TPRG1: variants seen among roughly 807,000 people sequenced by gnomAD.
TPRG1 encodes tumor protein p63-regulated gene 1 protein.
A neutral mutation model predicts 29.3 loss-of-function variants in TPRG1; 29 were observed. That is an observed-to-expected ratio of 0.99 (90% CI 0.74 to 1.35). The LOEUF (loss-of-function observed/expected upper bound fraction) is 1.35. Among genes scored for constraint, TPRG1 ranks in the 40% most tolerant of loss-of-function variants. TPRG1 has a pLI of 0.00. For synonymous variants in TPRG1, 130 were observed against 116.8 expected, an observed-to-expected ratio of 1.11 and a Z score of -0.73; for missense variants, 327 against 335.0, an observed-to-expected ratio of 0.98 and a Z score of 0.19.
chr3:189,032,042 C>T (rs1241705273), intron 4 of TPRG1, among the ~76,000 whole-genome samples: 1 of 152,150 alleles, frequency 6.6e-6, no homozygotes, highest in South Asian at 2.1e-4. Flanking sequence ...AATATATCCA[C>T]ATCCTAATGT....
intron 4 of TPRG1, among the ~76,000 whole-genome samples, chr3:189,256,650 G>T (rs1236299935): frequency 6.6e-6 from 1 of 152,158 alleles, no homozygotes; most frequent in Non-Finnish European, 1.5e-5. Flanking sequence ...AAGTCTCTCT[G>T]TAGGTCTCTA....
chr3:189,066,713 T>C (rs1015530918), intron 4 of TPRG1, among the ~76,000 whole-genome samples: 1 of 151,826 alleles, frequency 6.6e-6, no homozygotes, highest in Non-Finnish European at 1.5e-5. Context: ...CAGCTAGTAT[T>C]ATACTAAATG....
intron 1 of TPRG1, among the ~76,000 whole-genome samples, chr3:189,116,418 C>G (rs1721180475): frequency 6.6e-6 from 1 of 152,106 alleles, no homozygotes; most frequent in African/African-American, 2.4e-5. Context: ...ACCTCGTGAT[C>G]CACCCACCTT....
chr3:189,204,707 G>A (rs1734041035), intron 1 of TPRG1, among the ~76,000 whole-genome samples: 1 of 152,140 alleles, frequency 6.6e-6, no homozygotes, highest in Non-Finnish European at 1.5e-5. Flanking sequence ...GATGTCTGTT[G>A]TTAGGCGTGT....
chr3:189,147,758 T>C (rs1725446614), intron 4 of TPRG1: 2 of 152,130 alleles, frequency 1.3e-5, no homozygotes, highest in African/African-American at 2.4e-5. Flanking sequence ...CCAGGGGAGA[T>C]AGTGATTTTA....
intron 3 of TPRG1, among the ~76,000 whole-genome samples, chr3:189,238,426 T>A (rs1739896204): frequency 6.6e-6 from 1 of 152,198 alleles, no homozygotes; most frequent in African/African-American, 2.4e-5. Context: ...TGTTGGGAAG[T>A]ATGAGTCAGT....
At chr3:189,110,677 T>C (rs1720403270) in intron 1 of TPRG1, among the ~76,000 whole-genome samples, 1 of 152,050 alleles carries the variant, frequency 6.6e-6, no homozygotes, top group Admixed American at 6.5e-5. Context: ...GTTTTCTAGT[T>C]TTTACACAAA....
chr3:189,274,108 G>T (rs1158083418), intron 4 of TPRG1, among the ~76,000 whole-genome samples: 2 of 138,004 alleles, frequency 1.4e-5, no homozygotes, highest in East Asian at 2.0e-4. Flanking sequence ...TCGGAACCCA[G>T]ATTTTTTTTT....
chr3:189,231,625 T>C (rs777625892), intron 3 of TPRG1, among the ~76,000 whole-genome samples: 1 of 152,200 alleles, frequency 6.6e-6, no homozygotes, highest in Non-Finnish European at 1.5e-5. Flanking sequence ...ATCTTCATGC[T>C]GGAGACGTGA....
intron 4 of TPRG1, among the ~76,000 whole-genome samples, chr3:189,284,996 A>C (rs1378152876): frequency 6.6e-6 from 1 of 152,228 alleles, no homozygotes; most frequent in Non-Finnish European, 1.5e-5. Context: ...ATCTGAGTGA[A>C]CAGGCAACCT....
At chr3:189,135,892 T>G (rs755065286) in intron 3 of TPRG1, among the ~76,000 whole-genome samples, 5 of 152,164 alleles carry the variant, frequency 3.3e-5, no homozygotes, top group Non-Finnish European at 7.3e-5. Flanking sequence ...CTACGCATAT[T>G]TCACAGTCCA....
At chr3:189,230,737 A>G (rs960668868) in intron 3 of TPRG1, among the ~76,000 whole-genome samples, 1 of 152,122 alleles carries the variant, frequency 6.6e-6, no homozygotes, top group Non-Finnish European at 1.5e-5. Flanking sequence ...CCATTATACC[A>G]CTAGTGCCTG....
At chr3:189,171,831 A>C (rs1178717322), upstream of TPRG1, 1 of 152,196 alleles carries the variant, frequency 6.6e-6, no homozygotes, top group Non-Finnish European at 1.5e-5. Flanking sequence ...AGAGGACAGG[A>C]GGTAAAGGTG....
intron 4 of TPRG1, among the ~76,000 whole-genome samples, chr3:189,044,979 T>C (rs1714881136): frequency 6.6e-6 from 1 of 152,238 alleles, no homozygotes. Context: ...GAAAATGAAC[T>C]CTTTCAGCCA....
chr3:189,171,246 C>G (rs530519982), upstream of TPRG1, among the ~76,000 whole-genome samples: 6 of 152,310 alleles, frequency 3.9e-5, no homozygotes, highest in South Asian at 1.0e-3. Flanking sequence ...AGAAATGATA[C>G]TCTCAACTTA....
At chr3:189,137,237 A>C (rs1372684003) in intron 3 of TPRG1, among the ~76,000 whole-genome samples, 1 of 152,082 alleles carries the variant, frequency 6.6e-6, no homozygotes, top group African/African-American at 2.4e-5. Flanking sequence ...GCAAATAAAG[A>C]AGCCCAAAGT....
At chr3:189,209,916 CAACA>C (rs1351498569) in intron 2 of TPRG1, among the ~76,000 whole-genome samples, 1 of 151,940 alleles carries the variant, frequency 6.6e-6, no homozygotes, top group Non-Finnish European at 1.5e-5. Context: ...TCCTTCAGAC[CAACA>C]AACATAGTAT....
chr3:189,017,839 C>T (rs887007757), intron 3 of TPRG1, among the ~76,000 whole-genome samples: 72 of 152,182 alleles, frequency 4.7e-4, no homozygotes, highest in Admixed American at 4.3e-3. Context: ...AGTTTACAGT[C>T]CCACCAACAG....
intron 4 of TPRG1, among the ~76,000 whole-genome samples, chr3:189,060,248 A>G (rs13068889): frequency 0.018 from 2,699 of 152,190 alleles, 41 homozygotes; most frequent in Non-Finnish European, 0.029. Flanking sequence ...CAAACAAAGA[A>G]ACAAACAAAA....
Sources: allele counts gnomAD v4.1 joint callset (sites outside exome capture counted in the v4.1 genomes callset), GRCh38; gene constraint gnomAD v4.1.1; transcripts MANE v1.5; gene names NCBI Gene and HGNC (gene_info 2026-07-23, HGNC 2026-07-21).